CHRNB4: variants seen among roughly 807,000 people sequenced by gnomAD.
The protein encoded by CHRNB4 is cholinergic receptor nicotinic beta 4 subunit, also known as neuronal acetylcholine receptor subunit beta-4.
Under a neutral mutation model 40.4 loss-of-function variants are expected in CHRNB4, and 23 were observed. The ratio of observed to expected loss-of-function variants is 0.57; its 90% confidence interval spans 0.41 to 0.81. The LOEUF is 0.81. CHRNB4 is among the 30% of genes least tolerant of loss of function. The probability of loss-of-function intolerance (pLI) is 0.00; values close to 1 mark genes in which losing one functional copy is unlikely to be tolerated. For synonymous variants in CHRNB4, 285 were observed against 274.4 expected, an observed-to-expected ratio of 1.04 and a Z score of -0.38; for missense variants, 568 against 670.6, an observed-to-expected ratio of 0.85 and a Z score of 1.69.
upstream of CHRNB4, among the ~76,000 whole-genome samples, chr15:78,642,473 A>G (rs77680431): frequency 6.6e-6 from 1 of 152,184 alleles, no homozygotes; most frequent in Non-Finnish European, 1.5e-5. Flanking sequence ...GTCCTTTGGG[A>G]TAAGCGGGGA....
chr15:78,660,142 A>G (rs2054240187), intron 1 of CHRNB4, among the ~76,000 whole-genome samples: 1 of 151,744 alleles, frequency 6.6e-6, no homozygotes, highest in Non-Finnish European at 1.5e-5. Flanking sequence ...GGAAGGCAGA[A>G]GCTGTAGTGA....
intron 5 of CHRNB4, 62 bp from the exon 6 acceptor site, chr15:78,625,353 G>A (rs2053628381): frequency 6.9e-7 from 1 of 1,455,094 alleles, no homozygotes; most frequent in African/African-American, 1.4e-5. Context: ...CTTTCCCCGA[G>A]TCAGGCCCTT....
At chr15:78,647,622 A>ATG (rs2054134440) in intron 7 of CHRNB4, among the ~76,000 whole-genome samples, 2 of 149,074 alleles carry the variant, frequency 1.3e-5, no homozygotes, top group Non-Finnish European at 3.0e-5. Flanking sequence ...CAAGGCGGGC[A>ATG]GATCACAAGG....
exon 4 of CHRNB4, chr15:78,656,671 G>C (rs2054216626): frequency 6.6e-6 from 1 of 152,212 alleles, no homozygotes; most frequent in East Asian, 1.9e-4. Context: ...AAACGCTGTA[G>C]AAGATAAGAT....
At position 78,624,614 on chromosome 15, in the gene CHRNB4, C is replaced by T. The variant is rs2141354187; in HGVS notation, c.*519G>A. On this transcript the variant is annotated 3_prime_UTR_variant, in exon 6 of 6. Coordinates refer to ENST00000261751, the MANE Select transcript of CHRNB4 (RefSeq NM_000750.5). ...AAAAATTAGCTGGGCACGGTGGCGG[C>T]TTTCTGTAATCCCAGCTACTTGGGA... is the stretch of plus-strand genomic sequence containing the variant. 1 of 208,768 alleles carries T rather than the reference C, an allele frequency of 4.8e-6. No homozygotes were observed. The highest frequency in any genetic ancestry group is 2.3e-5 in the African/African-American group (1 of 43,618). 12.9% of individuals were successfully genotyped at this position (208,768 alleles called of 1,614,324 possible).
intron 1 of CHRNB4, among the ~76,000 whole-genome samples, chr15:78,660,261 T>C (rs1365007511): frequency 2.0e-5 from 3 of 151,648 alleles, no homozygotes; most frequent in Non-Finnish European, 4.4e-5. Flanking sequence ...TGTGAGCTGC[T>C]ACTCTGGGCA....
At chr15:78,634,865 C>T (rs1228145513) in intron 2 of CHRNB4, 1 of 436,892 alleles carries the variant, frequency 2.3e-6, no homozygotes, top group African/African-American at 2.0e-5. Flanking sequence ...ACCTCTGCCC[C>T]ACATCCACAT....
Position 78,629,716 on chromosome 15 carries a change from G to A in CHRNB4, c.589C>T (p.Pro197Ser). 1 of 1,614,184 alleles carries A rather than the reference G, an allele frequency of 6.2e-7. No individual in the cohort carries two copies. Among genetic ancestry groups the A allele is most frequent in the African/African-American group, 1.3e-5 (1 of 75,050 alleles). ...TPTASMDDFTPSGEWDIVALP... is the reference protein window; with the variant it reads ...TPTASMDDFTSSGEWDIVALP... ...GCCACTATGTCCCACTCACCACTGG[G>A]AGTAAAGTCATCCATGCTGGCTGTG... The change falls in exon 5 of 6, where the codon CCC becomes TCC. Residue 197 changes from proline (P) to serine (S), a missense_variant. Pro to Ser is a moderately conservative substitution (Grantham distance 74). Coordinates refer to ENST00000261751, the MANE Select transcript of CHRNB4 (RefSeq NM_000750.5). This position sits in a 1 kb window ranked among gnomAD's most constrained non-coding sequence, Gnocchi z 6.8.
chr15:78,637,972 G>C (rs1360901532), intron 1 of CHRNB4, among the ~76,000 whole-genome samples: 1 of 152,122 alleles, frequency 6.6e-6, no homozygotes, highest in Non-Finnish European at 1.5e-5. Flanking sequence ...GCTAGAGCTG[G>C]GTCCCTCCCA....
At chr15:78,633,093 A>G (rs4887072) in intron 2 of CHRNB4, among the ~76,000 whole-genome samples, 41,840 of 152,078 alleles carry the variant, frequency 0.28, 6,421 homozygotes, top group East Asian at 0.47. Context: ...TCTGTCCTCC[A>G]GCCCCCTGGC....
rs147392263 is a variant in CHRNB4 at position 78,629,642 on chromosome 15, G to A, written c.663C>T (p.Asp221=). The change falls in exon 5 of 6, where the codon GAC becomes GAT. Residue 221 remains aspartate (D), a synonymous_variant. Transcript: ENST00000261751. The surrounding 1 kb of genome is among the most constrained non-coding windows in gnomAD (Gnocchi z 6.8). ...GCTTGATGATGAAGTCGTAAGTCACGTCCACGTAGCTGGGGTCTTGTGGGT... is the reference window on the plus strand; with the variant it reads ...GCTTGATGATGAAGTCGTAAGTCACATCCACGTAGCTGGGGTCTTGTGGGT... ...TVNPQDPSYV[D]VTYDFIIKRK... The A allele has an allele frequency of 3.7e-6, 6 of 1,614,104 alleles. No individual in the cohort carries two copies. The highest frequency in any genetic ancestry group is 1.1e-5 in the South Asian group (1 of 91,076).
upstream of CHRNB4, chr15:78,661,129 T>C (rs80012689): frequency 3.2e-6 from 2 of 621,352 alleles, no homozygotes; most frequent in Non-Finnish European, 3.1e-6. Flanking sequence ...GGTGTGGCTG[T>C]GCGGCGTTCC....
At chr15:78,656,988 T>C (rs1259770901) in intron 3 of CHRNB4, among the ~76,000 whole-genome samples, 1 of 152,106 alleles carries the variant, frequency 6.6e-6, no homozygotes, top group African/African-American at 2.4e-5. Flanking sequence ...ACTCAGCTTC[T>C]CTAGAATGAA....
chr15:78,635,426 C>A lies in CHRNB4; in HGVS notation c.204+13G>T, dbSNP rs1368620712. 1 of 1,612,984 alleles carries A rather than the reference C, an allele frequency of 6.2e-7. No individual in the cohort carries two copies. The highest frequency in any genetic ancestry group is 8.5e-7 in the Non-Finnish European group (1 of 1,179,772). ...CCACCTGAGCCTGAGCCACAGCTGC[C>A]CTCTGCACCTACCACGCTGATAAGC... On this transcript the variant is annotated intron_variant, in intron 2 of 5. Transcript: ENST00000261751.
At position 78,629,663 on chromosome 15, in the gene CHRNB4, T is replaced by G. The variant is rs1263718703; in HGVS notation, c.642A>C (p.Pro214=). ...TCACGTCCACGTAGCTGGGGTCTTG[T>G]GGGTTCACTGTCCTTCTCCCTGGGA... ...VALPGRRTVN[P]QDPSYVDVTY... Residue 214 remains proline, a synonymous_variant, in exon 5 of 6, where the codon CCA becomes CCC. Transcript: ENST00000261751. The surrounding 1 kb of genome is among the most constrained non-coding windows in gnomAD (Gnocchi z 6.8). The G allele has an allele frequency of 1.2e-6, 2 of 1,614,144 alleles. No homozygotes were observed. The highest frequency in any genetic ancestry group is 2.2e-5 in the South Asian group (2 of 91,080).
rs1176815887 is a variant in CHRNB4, at chr15:78,629,688, A to T, written c.617T>A (p.Leu206His). 1 of 1,614,024 alleles carries T rather than the reference A, an allele frequency of 6.2e-7. No homozygotes were observed. The highest frequency in any genetic ancestry group is 1.1e-5 in the South Asian group (1 of 91,064). Residue 206 changes from leucine (L) to histidine (H), a missense_variant, in exon 5 of 6, where the codon CTC (leucine) becomes CAC (histidine). Physicochemically the swap from Leu to His is moderately conservative, Grantham distance 99 (BLOSUM62 -3). Transcript: ENST00000261751. This position sits in a 1 kb window ranked among gnomAD's most constrained non-coding sequence, Gnocchi z 6.8. Reference protein sequence around the residue: ...TPSGEWDIVALPGRRTVNPQD... With the variant: ...TPSGEWDIVAHPGRRTVNPQD... ...TGGGTTCACTGTCCTTCTCCCTGGG[A>T]GGGCCACTATGTCCCACTCACCACT...
upstream of CHRNB4, chr15:78,641,227 C>T (rs1291395863): frequency 1.7e-5 from 20 of 1,201,176 alleles, no homozygotes; most frequent in Non-Finnish European, 2.2e-5. Flanking sequence ...CGGTCCTGGC[C>T]CCCGAGGTTT....
upstream of CHRNB4, chr15:78,661,340 C>T (rs548394674): frequency 1.3e-4 from 75 of 565,614 alleles, no homozygotes; most frequent in African/African-American, 9.4e-4. Context: ...CTCCTGAACC[C>T]GCACATCATC....
rs147045378 is a variant in CHRNB4 at position 78,629,531 on chromosome 15, G to A, written c.774C>T (p.Ser258=). 2.2e-5 allele frequency: 36 copies of A among 1,614,022 alleles called. No homozygotes were observed. Among genetic ancestry groups the A allele is most frequent in the African/African-American group, 8.0e-5 (6 of 74,910 alleles). The change falls in exon 5 of 6, where the codon TCC becomes TCT. Residue 258 remains serine, a synonymous_variant. Transcript: ENST00000261751. This position sits in a 1 kb window ranked among gnomAD's most constrained non-coding sequence, Gnocchi z 6.8. Reference sequence around the variant, plus strand: ...ACAGTGTCATCTTCTCGCCGCAGTCGGATGGCAGGTAGAAGACGAGGATGG... The same window carrying A: ...ACAGTGTCATCTTCTCGCCGCAGTCAGATGGCAGGTAGAAGACGAGGATGG... ...LLAILVFYLP[S]DCGEKMTLCI... is the part of the protein sequence containing the mutation.
Sources: gnomAD v4.1 joint callset for allele counts (sites outside exome capture counted in the v4.1 genomes callset) on GRCh38, gnomAD v4.1.1 for gene constraint, Gnocchi (gnomAD v3.1) non-coding constraint, MANE v1.5 for transcripts, NCBI Gene and HGNC (gene_info 2026-07-23, HGNC 2026-07-21) for gene names.